The following SNTG1 variants were observed in gnomAD, a reference collection of about 807,000 sequenced individuals.
The protein encoded by SNTG1 is syntrophin gamma 1, also known as gamma-1-syntrophin.
SNTG1 carries 39 observed loss-of-function variants against 74.7 expected under a neutral mutation model. That is an observed-to-expected ratio of 0.52 (90% CI 0.40 to 0.68). SNTG1 has a LOEUF of 0.68. Ranked by LOEUF, SNTG1 falls within the 30% of genes least tolerant of loss-of-function variation. The pLI is 0.00. For synonymous variants in SNTG1, 254 were observed against 217.1 expected (o/e 1.17, Z -1.49); for missense variants, 685 against 609.5 (o/e 1.12, Z -1.30).
intron 2 of SNTG1, among the ~76,000 whole-genome samples, chr8:50,273,776 G>C (rs996865393): frequency 6.6e-6 from 1 of 152,120 alleles, no homozygotes; most frequent in Non-Finnish European, 1.5e-5. Flanking sequence ...GTTTTGGACT[G>C]GTATGTTTGG....
chr8:50,761,760 G>A (rs1359940353), intron 18 of SNTG1, among the ~76,000 whole-genome samples: 1 of 151,904 alleles, frequency 6.6e-6, no homozygotes, highest in Non-Finnish European at 1.5e-5. Flanking sequence ...ACAGTTTTAT[G>A]TTTCTGAATG....
chr8:50,634,023 G>T (rs1359965566), intron 13 of SNTG1, among the ~76,000 whole-genome samples: 1 of 152,120 alleles, frequency 6.6e-6, no homozygotes, highest in Non-Finnish European at 1.5e-5. Context: ...CATATGCTGG[G>T]CTTGGGCTAC....
At chr8:50,670,863 G>T (rs1013638638) in intron 15 of SNTG1, among the ~76,000 whole-genome samples, 1 of 151,560 alleles carries the variant, frequency 6.6e-6, no homozygotes, top group South Asian at 2.1e-4. Context: ...CAATGGAACA[G>T]AACAGAGCCC....
At chr8:50,551,822 C>A (rs945709861) in intron 11 of SNTG1, among the ~76,000 whole-genome samples, 3 of 152,026 alleles carry the variant, frequency 2.0e-5, no homozygotes, top group African/African-American at 7.2e-5. Context: ...AATGCTGTGT[C>A]CAAGATATGA....
intron 1 of SNTG1, among the ~76,000 whole-genome samples, chr8:50,156,570 C>T (rs2082261925): frequency 6.6e-6 from 1 of 151,850 alleles, no homozygotes; most frequent in Admixed American, 6.6e-5. Context: ...TTACTGTATA[C>T]AGTTTAATAT....
At chr8:50,028,604 G>A (rs920320487) in intron 1 of SNTG1, among the ~76,000 whole-genome samples, 1 of 151,562 alleles carries the variant, frequency 6.6e-6, no homozygotes, top group African/African-American at 2.4e-5. Flanking sequence ...GTTTTGGGAG[G>A]GGGGAGGGAT....
intron 8 of SNTG1, among the ~76,000 whole-genome samples, chr8:50,470,751 G>A (rs999329465): frequency 6.6e-6 from 1 of 152,172 alleles, no homozygotes; most frequent in African/African-American, 2.4e-5. Flanking sequence ...TAAAGGTAGT[G>A]CGGACCCAAA....
At chr8:50,311,189 T>C (rs528091544) in intron 2 of SNTG1, among the ~76,000 whole-genome samples, 1 of 152,352 alleles carries the variant, frequency 6.6e-6, no homozygotes, top group East Asian at 1.9e-4. Flanking sequence ...GTGTTCCCTC[T>C]GTGTGTTCTC....
At chr8:50,296,426 T>G (rs2089376643) in intron 2 of SNTG1, among the ~76,000 whole-genome samples, 1 of 152,202 alleles carries the variant, frequency 6.6e-6, no homozygotes, top group Admixed American at 6.5e-5. Flanking sequence ...TGGAATACTA[T>G]GCAGCCATAA....
intron 1 of SNTG1, among the ~76,000 whole-genome samples, chr8:50,015,877 G>T (rs563071813): frequency 2.0e-4 from 30 of 152,258 alleles, no homozygotes; most frequent in Non-Finnish European, 3.5e-4. Flanking sequence ...TTGGCAAGAG[G>T]TCAGGTGAAT....
intron 18 of SNTG1, among the ~76,000 whole-genome samples, chr8:50,757,662 C>A (rs1349244343): frequency 6.6e-6 from 1 of 151,826 alleles, no homozygotes; most frequent in African/African-American, 2.4e-5. Context: ...CATTTAAGAC[C>A]ACTGATGTTA....
At position 50,010,787 on chromosome 8, in the gene SNTG1, T is replaced by C. The variant is rs1042294148; in HGVS notation, c.-103+98556T>C. On this transcript the variant is annotated intron_variant, in intron 1 of 18. Transcript: ENST00000642720. ...CATATCCAAGGACACAGGCCTCTCTTTTTTTTTTTTTTTTTTTTTTTGGTG... is the reference window on the plus strand; with the variant it reads ...CATATCCAAGGACACAGGCCTCTCTCTTTTTTTTTTTTTTTTTTTTTGGTG... 2.8e-5 allele frequency among the ~76,000 whole-genome samples: 4 copies of C among 142,846 alleles called. No homozygotes were observed. In the South Asian group the frequency reaches 6.7e-4, roughly 24 times the overall value. The allele number at this position is 142,846 out of a possible 152,430, so 93.7% of individuals were successfully genotyped here. A position where few individuals can be genotyped will look rare whatever the true frequency, so the allele number is the denominator to read the frequency against.
At chr8:50,465,327 A>G (rs1447928724) in intron 8 of SNTG1, among the ~76,000 whole-genome samples, 10 of 152,228 alleles carry the variant, frequency 6.6e-5, no homozygotes, top group Non-Finnish European at 8.8e-5. Flanking sequence ...TAGAAGAATT[A>G]TGCTCAGTCC....
intron 18 of SNTG1, among the ~76,000 whole-genome samples, chr8:50,784,641 G>C (rs1032898861): frequency 6.6e-6 from 1 of 152,140 alleles, no homozygotes; most frequent in African/African-American, 2.4e-5. Context: ...AAGCAGAAGA[G>C]TAACAATGAT....
intron 1 of SNTG1, among the ~76,000 whole-genome samples, chr8:50,104,008 C>T (rs1044225397): frequency 1.1e-4 from 16 of 151,988 alleles, no homozygotes; most frequent in Non-Finnish European, 1.9e-4. Context: ...TCAGGGATAT[C>T]AGTCTAAAAT....
At chr8:49,974,675 T>C (rs1812027709) in intron 1 of SNTG1, among the ~76,000 whole-genome samples, 1 of 152,144 alleles carries the variant, frequency 6.6e-6, no homozygotes, top group African/African-American at 2.4e-5. Flanking sequence ...ATGAAGGCCC[T>C]GAACTAGATC....
At chr8:50,083,994 A>T (rs1305390541) in intron 1 of SNTG1, among the ~76,000 whole-genome samples, 1 of 152,210 alleles carries the variant, frequency 6.6e-6, no homozygotes, top group East Asian at 1.9e-4. Context: ...ACCTCTTTCA[A>T]TTCTGAGTTC....
intron 2 of SNTG1, among the ~76,000 whole-genome samples, chr8:50,369,758 C>A (rs538989718): frequency 6.6e-6 from 1 of 152,130 alleles, no homozygotes; most frequent in Non-Finnish European, 1.5e-5. Context: ...GCCTCCAGAA[C>A]TGTGAGTGAT....
chr8:49,968,248 C>T (rs976852534), intron 1 of SNTG1, among the ~76,000 whole-genome samples: 1 of 152,060 alleles, frequency 6.6e-6, no homozygotes, highest in Non-Finnish European at 1.5e-5. Flanking sequence ...TTAAAATGTG[C>T]CCCCAAAGTC....
Sources: gnomAD v4.1 joint callset for allele counts (sites outside exome capture counted in the v4.1 genomes callset) on GRCh38, gnomAD v4.1.1 for gene constraint, MANE v1.5 for transcripts, NCBI Gene and HGNC (gene_info 2026-07-23, HGNC 2026-07-21) for gene names.